SMIM17: variants seen among roughly 807,000 people sequenced by gnomAD.
The protein encoded by SMIM17 is small integral membrane protein 17.
Under a neutral mutation model 12.2 loss-of-function variants are expected in SMIM17, and 10 were observed. The ratio of observed to expected loss-of-function variants is 0.82; its 90% CI spans 0.50 to 1.39. SMIM17 has a LOEUF of 1.39. Among genes scored for constraint, SMIM17 ranks in the 40% most tolerant of loss-of-function variants. SMIM17 has a pLI of 0.00. For missense variants in SMIM17, 136 were observed against 118.2 expected (o/e 1.15, Z -0.70); for synonymous variants, 50 against 44.1 (o/e 1.13, Z -0.53).
At chr19:56,645,204 G>A (rs1205344137) in intron 1 of SMIM17, among the ~76,000 whole-genome samples, 1 of 109,560 alleles carries the variant, frequency 9.1e-6, no homozygotes, top group East Asian at 4.6e-4. Flanking sequence ...TGTGAATGTG[G>A]ATGTGTGTGT....
intron 2 of SMIM17, among the ~76,000 whole-genome samples, chr19:56,647,306 A>AG (rs1307985741): frequency 6.6e-6 from 1 of 151,976 alleles, no homozygotes; most frequent in Non-Finnish European, 1.5e-5. Context: ...AACAGAATTC[A>AG]GGTCTTTCAT....
chr19:56,648,798 G>A (rs964746157), intron 3 of SMIM17, among the ~76,000 whole-genome samples: 7 of 152,166 alleles, frequency 4.6e-5, no homozygotes, highest in African/African-American at 1.7e-4. Flanking sequence ...AAAACCTAAT[G>A]TTTTCTTTTT....
chr19:56,644,388 C>G (rs924927050), intron 1 of SMIM17, among the ~76,000 whole-genome samples: 1 of 152,162 alleles, frequency 6.6e-6, no homozygotes, highest in Non-Finnish European at 1.5e-5. Context: ...ATGGGCAACC[C>G]CAGGGTCTAA....
chr19:56,647,089 T>C (rs1197474814), intron 2 of SMIM17, among the ~76,000 whole-genome samples: 2 of 152,128 alleles, frequency 1.3e-5, no homozygotes, highest in Non-Finnish European at 2.9e-5. Flanking sequence ...TGGGGACATG[T>C]CCCCACTAGT....
chr19:56,647,418 G>GGGGAGAGAGAGAGAGAGAGAGA (rs2045072173), intron 2 of SMIM17, 140 bp from the exon 3 acceptor site: 1 of 565,726 alleles, frequency 1.8e-6, no homozygotes, highest in African/African-American at 2.7e-5. Flanking sequence ...AGAGAAGGAG[G>GGGGAGAGAGAGAGAGAGAGAGA]GTGAGAGAGA....
In SMIM17 at chr19:56,645,698, G is replaced by A. The variant is rs1436743030; in HGVS notation, c.31G>A (p.Gly11Arg). The change falls in exon 2 of 4, where the codon GGG becomes AGG. Residue 11 changes from glycine (G) to arginine (R), a missense_variant. Gly to Arg is a moderately radical substitution (Grantham distance 125). Coordinates refer to ENST00000598409, the MANE Select transcript of SMIM17 (RefSeq NM_001193628.2). MQSLRPEQTRGLLEPERTKTL... is the reference protein window; with the variant it reads MQSLRPEQTRRLLEPERTKTL... ...GAGTCTCAGGCCTGAGCAGACACGG[G>A]GGCTGCTGGAGCCTGAGAGGACCAA... 8.5e-6 allele frequency: 13 copies of A among 1,534,580 alleles called. No individual in the cohort carries two copies. The highest frequency in any genetic ancestry group is 1.1e-5 in the Non-Finnish European group (13 of 1,146,556).
Position 56,647,581 on chromosome 19 carries a change from C to A in SMIM17, c.193C>A (p.Leu65Ile). The A allele has an allele frequency of 6.5e-7, 1 of 1,535,862 alleles. No homozygotes were observed. The highest frequency in any genetic ancestry group is 2.0e-5 in the Admixed American group (1 of 50,972). ...AGACCTGTCTTCTCAAGAGACTGGG[C>A]TTTCCCAGGAGTGGAGCTCGGTGGA... Reference protein sequence around the residue: ...EKDLSSQETGLSQEWSSVEED... With the variant: ...EKDLSSQETGISQEWSSVEED... Residue 65 changes from leucine to isoleucine, a missense_variant, in exon 3 of 4, where the codon CTT becomes ATT. Transcript: ENST00000598409.
intron 3 of SMIM17, among the ~76,000 whole-genome samples, chr19:56,651,949 C>A (rs930312940): frequency 6.6e-6 from 1 of 151,680 alleles, no homozygotes; most frequent in Non-Finnish European, 1.5e-5. Context: ...ACTAAAAATA[C>A]AAAAATTAGC....
At chr19:56,647,337 CAT>C (rs2045070998) in intron 2 of SMIM17, among the ~76,000 whole-genome samples, 1 of 151,240 alleles carries the variant, frequency 6.6e-6, no homozygotes, top group African/African-American at 2.4e-5. Flanking sequence ...CCATCTGAAT[CAT>C]CACATAGGCA....
intron 3 of SMIM17, among the ~76,000 whole-genome samples, chr19:56,651,098 A>T (rs1385862747): frequency 6.6e-6 from 1 of 152,118 alleles, no homozygotes; most frequent in East Asian, 1.9e-4. Flanking sequence ...GGAACCAGAG[A>T]CCTTTGATGA....
At chr19:56,647,738 A>G in intron 3 of SMIM17, 104 bp downstream of exon 3, 6 of 944,422 alleles carry the variant, frequency 6.4e-6, no homozygotes, top group Non-Finnish European at 9.6e-6. Context: ...GCCCCATAAA[A>G]ATCTCAAGAG....
intron 3 of SMIM17, among the ~76,000 whole-genome samples, chr19:56,651,842 G>A (rs1028302693): frequency 2.0e-5 from 3 of 152,030 alleles, no homozygotes; most frequent in Admixed American, 6.6e-5. Flanking sequence ...AGTGGCTCAC[G>A]TCTATAATCG....
Position 56,655,474 on chromosome 19 carries a change from A to G in SMIM17, c.*261A>G. 1 of 408,630 alleles carries G rather than the reference A, an allele frequency of 2.4e-6. No homozygotes were observed. The highest frequency in any genetic ancestry group is 4.3e-6 in the Non-Finnish European group (1 of 232,084). 25.3% of individuals were successfully genotyped at this position (408,630 alleles called of 1,614,324 possible). ...AGAAAAGTGCTAATTAATCATTAAG[A>G]TGCCACCAACTGGAAGATATCTCCT... is the stretch of plus-strand genomic sequence containing the variant. On this transcript the variant is annotated 3_prime_UTR_variant, in exon 4 of 4. Transcript: ENST00000598409.
At chr19:56,652,818 G>A (rs2045120126) in intron 3 of SMIM17, among the ~76,000 whole-genome samples, 1 of 152,104 alleles carries the variant, frequency 6.6e-6, no homozygotes, top group Middle Eastern at 3.2e-3. Flanking sequence ...ATTAGCAAAG[G>A]GCATTTGTCA....
At chr19:56,645,368 T>A (rs913413670) in intron 1 of SMIM17, among the ~76,000 whole-genome samples, 200 bp from the exon 2 acceptor site, 1 of 152,186 alleles carries the variant, frequency 6.6e-6, no homozygotes, top group African/African-American at 2.4e-5. Flanking sequence ...TCCAGCTTTG[T>A]CTCCAGAGCA....
intron 3 of SMIM17, among the ~76,000 whole-genome samples, chr19:56,650,864 G>A (rs147440144): frequency 2.0e-5 from 3 of 152,208 alleles, no homozygotes; most frequent in African/African-American, 4.8e-5. Flanking sequence ...TGACAAGGTC[G>A]ATTTTAGACA....
At position 56,656,797 on chromosome 19, in the gene SMIM17, A is replaced by G. The variant is rs1187480943; in HGVS notation, c.*1584A>G. Among the ~76,000 whole-genome samples, 1 of 152,166 alleles carries G rather than the reference A, an allele frequency of 6.6e-6. No homozygotes were observed. The highest frequency in any genetic ancestry group is 1.5e-5 in the Non-Finnish European group (1 of 68,020). On this transcript the variant is annotated 3_prime_UTR_variant, in exon 4 of 4. Coordinates refer to ENST00000598409, the MANE Select transcript of SMIM17 (RefSeq NM_001193628.2). The stretch of plus-strand genomic sequence containing the variant: ...AAAAATAGTTTTGTTTTCTTGTTTT[A>G]CTGCACTGTGAACACAGAATGTGGC...
At chr19:56,644,700 T>A (rs1218245290) in intron 1 of SMIM17, among the ~76,000 whole-genome samples, 1 of 152,220 alleles carries the variant, frequency 6.6e-6, no homozygotes, top group East Asian at 1.9e-4. Context: ...CTCCTTACAA[T>A]AGAGAAGTAT....
intron 2 of SMIM17, among the ~76,000 whole-genome samples, chr19:56,646,056 A>G (rs1568516892): frequency 6.6e-6 from 1 of 152,168 alleles, no homozygotes; most frequent in Non-Finnish European, 1.5e-5. Flanking sequence ...CAGAAGTTTG[A>G]CCTGGCTTCA....
Sources: allele counts gnomAD v4.1 joint callset (sites outside exome capture counted in the v4.1 genomes callset), GRCh38; gene constraint gnomAD v4.1.1; transcripts MANE v1.5; gene names NCBI Gene and HGNC (gene_info 2026-07-23, HGNC 2026-07-21).